The following PPARGC1A variants were observed in gnomAD, a reference collection of about 807,000 sequenced individuals.
PPARGC1A encodes PPARG coactivator 1 alpha, also known as peroxisome proliferator-activated receptor gamma coactivator 1-alpha.
In PPARGC1A, 25 loss-of-function variants were observed where a neutral mutation model predicts 88.7. That is an observed-to-expected ratio of 0.28 (90% CI 0.21 to 0.39). The LOEUF (loss-of-function observed/expected upper bound fraction) is 0.39. Ranked by LOEUF, PPARGC1A falls within the 10% of genes least tolerant of loss-of-function variation. The probability of loss-of-function intolerance (pLI) is 1.00; values close to 1 mark genes in which losing one functional copy is unlikely to be tolerated. For missense variants in PPARGC1A, 880 were observed against 968.7 expected (o/e 0.91, Z 1.22); for synonymous variants, 363 against 355.6 (o/e 1.02, Z -0.24).
chr4:23,869,196 G>T (rs1174506151), intron 2 of PPARGC1A, among the ~76,000 whole-genome samples: 3 of 152,128 alleles, frequency 2.0e-5, no homozygotes, highest in African/African-American at 7.2e-5. Context: ...CTGTATCAGG[G>T]GCTATTACGA....
chr4:24,431,047 C>T, the PPARGC1A span, among the ~76,000 whole-genome samples: 1 of 146,484 alleles, frequency 6.8e-6, no homozygotes, highest in Non-Finnish European at 1.5e-5. Context: ...ATCACTTGAA[C>T]CCGGGAGGTG....
the PPARGC1A span, among the ~76,000 whole-genome samples, chr4:24,426,328 T>C: frequency 6.6e-6 from 1 of 152,150 alleles, no homozygotes; most frequent in Non-Finnish European, 1.5e-5. Flanking sequence ...AAAACAGGGC[T>C]TCTAAGGATG....
chr4:23,939,231 C>G, the PPARGC1A span, among the ~76,000 whole-genome samples: 5 of 152,132 alleles, frequency 3.3e-5, no homozygotes, highest in African/African-American at 1.2e-4. Context: ...TATCAAACCC[C>G]CCCCCAAATA....
At chr4:24,009,326 T>C in the PPARGC1A span, among the ~76,000 whole-genome samples, 4 of 152,148 alleles carry the variant, frequency 2.6e-5, no homozygotes, top group Non-Finnish European at 5.9e-5. Context: ...GAAAGAAAGA[T>C]GGCCAAGTTT....
the PPARGC1A span, among the ~76,000 whole-genome samples, chr4:24,197,683 T>A: frequency 1.3e-5 from 2 of 152,126 alleles, no homozygotes; most frequent in African/African-American, 4.8e-5. Context: ...TTCAAAAAAA[T>A]CCAGCAATAA....
chr4:24,063,997 TC>T, the PPARGC1A span, among the ~76,000 whole-genome samples: 1 of 151,990 alleles, frequency 6.6e-6, no homozygotes, highest in Admixed American at 6.6e-5. Context: ...TGTTCGAGAC[TC>T]TGGAGTGGGC....
chr4:24,160,407 T>C, the PPARGC1A span, among the ~76,000 whole-genome samples: 1 of 152,222 alleles, frequency 6.6e-6, no homozygotes, highest in Non-Finnish European at 1.5e-5. Flanking sequence ...TAGCATCGTA[T>C]ATTGTAATTG....
chr4:23,902,480 A>G (rs1719525714), upstream of PPARGC1A, among the ~76,000 whole-genome samples: 1 of 152,178 alleles, frequency 6.6e-6, no homozygotes, highest in South Asian at 2.1e-4. Context: ...TCTCCCTATA[A>G]AATCAGCAAT....
the PPARGC1A span, among the ~76,000 whole-genome samples, chr4:24,060,622 T>G: frequency 6.6e-6 from 1 of 152,232 alleles, no homozygotes. Context: ...AGATGTAATT[T>G]TTTTAAAGGG....
the PPARGC1A span, among the ~76,000 whole-genome samples, chr4:24,329,234 A>G: frequency 6.6e-6 from 1 of 151,548 alleles, no homozygotes; most frequent in Non-Finnish European, 1.5e-5. Flanking sequence ...TTCATCCCTC[A>G]ACACCATCTC....
intron 2 of PPARGC1A, among the ~76,000 whole-genome samples, chr4:23,852,739 C>T (rs1405628681): frequency 5.3e-5 from 8 of 152,132 alleles, no homozygotes; most frequent in Admixed American, 5.2e-4. Context: ...TATTATACAG[C>T]ATCATGCCAT....
chr4:24,402,230 T>A, the PPARGC1A span, among the ~76,000 whole-genome samples: 24 of 152,098 alleles, frequency 1.6e-4, no homozygotes, highest in Non-Finnish European at 3.4e-4. Context: ...GGACCAATGG[T>A]TGAGCGGTGG....
chr4:23,895,245 A>G (rs1718408451), intron 1 of PPARGC1A, among the ~76,000 whole-genome samples: 1 of 150,684 alleles, frequency 6.6e-6, no homozygotes, highest in Non-Finnish European at 1.5e-5. Context: ...GCTTTTCTCG[A>G]TCTTAGAGAA....
At chr4:24,042,462 T>C in the PPARGC1A span, among the ~76,000 whole-genome samples, 1 of 152,228 alleles carries the variant, frequency 6.6e-6, no homozygotes, top group Non-Finnish European at 1.5e-5. Context: ...TTGAGGTCTC[T>C]ATCAGTGGCT....
chr4:23,952,594 T>C, the PPARGC1A span, among the ~76,000 whole-genome samples: 2 of 152,014 alleles, frequency 1.3e-5, no homozygotes, highest in Admixed American at 1.3e-4. Context: ...CCTAGGAGAG[T>C]TAAGTCCAGA....
the PPARGC1A span, among the ~76,000 whole-genome samples, chr4:24,399,485 G>C: frequency 6.6e-6 from 1 of 152,110 alleles, no homozygotes; most frequent in Non-Finnish European, 1.5e-5. Context: ...ATTCAGCATG[G>C]AGAGGCAGCT....
At chr4:24,266,457 A>G in the PPARGC1A span, among the ~76,000 whole-genome samples, 2 of 152,198 alleles carry the variant, frequency 1.3e-5, no homozygotes, top group East Asian at 3.9e-4. Flanking sequence ...AGGTGCCTCC[A>G]TCAGTGCCTC....
At chr4:24,165,428 A>G in the PPARGC1A span, among the ~76,000 whole-genome samples, 1 of 152,194 alleles carries the variant, frequency 6.6e-6, no homozygotes, top group African/African-American at 2.4e-5. Context: ...TGATAATGAC[A>G]TAAGCAAGAT....
chr4:24,247,675 C>G, the PPARGC1A span, among the ~76,000 whole-genome samples: 4 of 152,186 alleles, frequency 2.6e-5, no homozygotes, highest in African/African-American at 9.7e-5. Context: ...CCAGGATTGG[C>G]TGGGTAAGTG....
Sources: gnomAD v4.1 joint callset for allele counts (sites outside exome capture counted in the v4.1 genomes callset) on GRCh38, gnomAD v4.1.1 for gene constraint, MANE v1.5 for transcripts, NCBI Gene and HGNC (gene_info 2026-07-23, HGNC 2026-07-21) for gene names.